Variants in SLIT3 observed in about 807,000 individuals in gnomAD.
The protein encoded by SLIT3 is slit homolog 3 protein.
SLIT3 carries 68 observed loss-of-function variants against 184.0 expected under a neutral mutation model. The observed-to-expected ratio is 0.37, with a 90% CI of 0.30 to 0.45. The LOEUF (loss-of-function observed/expected upper bound fraction) is 0.45, where lower values mean the gene tolerates loss of function less well. Among genes scored for constraint, SLIT3 ranks in the 20% least tolerant of loss-of-function variants. The probability of loss-of-function intolerance (pLI) is 1.00; values close to 1 mark genes in which losing one functional copy is unlikely to be tolerated. For missense variants in SLIT3, 1,707 were observed against 2,026.0 expected, an observed-to-expected ratio of 0.84 and a Z score of 3.02; for synonymous variants, 831 against 828.6, an observed-to-expected ratio of 1.00 and a Z score of -0.05.
At chr5:169,197,371 G>A (rs773084516) in intron 3 of SLIT3, among the ~76,000 whole-genome samples, 3 of 152,092 alleles carry the variant, frequency 2.0e-5, no homozygotes, top group Non-Finnish European at 1.5e-5. Flanking sequence ...TATTTACTGA[G>A]TAAATATGGG....
chr5:168,719,789 T>C (rs1762877523), intron 23 of SLIT3: 2 of 152,360 alleles, frequency 1.3e-5, no homozygotes, highest in South Asian at 4.1e-4. Context: ...TTTCCTGAAT[T>C]GGCCCTTAGG....
intron 4 of SLIT3, among the ~76,000 whole-genome samples, chr5:168,906,510 T>A (rs1761057154): frequency 6.6e-6 from 1 of 152,180 alleles, no homozygotes. Flanking sequence ...ATCCATTATG[T>A]GTTTGTGCAT....
chr5:169,015,516 G>C (rs1435110527), intron 4 of SLIT3, among the ~76,000 whole-genome samples: 1 of 152,198 alleles, frequency 6.6e-6, no homozygotes, highest in African/African-American at 2.4e-5. Flanking sequence ...ATAATCCATA[G>C]CTGTGTAACT....
At chr5:169,183,504 C>G (rs1763237383) in intron 4 of SLIT3, among the ~76,000 whole-genome samples, 1 of 152,156 alleles carries the variant, frequency 6.6e-6, no homozygotes, top group African/African-American at 2.4e-5. Flanking sequence ...ACCATTATCT[C>G]TAATGGTCCA....
At chr5:169,011,792 G>C (rs1756165264) in intron 4 of SLIT3, among the ~76,000 whole-genome samples, 1 of 152,204 alleles carries the variant, frequency 6.6e-6, no homozygotes, top group African/African-American at 2.4e-5. Flanking sequence ...TATTACAAAA[G>C]CTGGTACTTT....
At chr5:168,811,322 T>C (rs1441262044) in intron 8 of SLIT3, among the ~76,000 whole-genome samples, 2 of 152,204 alleles carry the variant, frequency 1.3e-5, no homozygotes, top group Non-Finnish European at 2.9e-5. Flanking sequence ...ATAAAACCCA[T>C]GATTTAGGTT....
intron 4 of SLIT3, among the ~76,000 whole-genome samples, chr5:169,033,976 C>A (rs1452443457): frequency 6.6e-6 from 1 of 151,984 alleles, no homozygotes. Flanking sequence ...CCACGCCCGG[C>A]TAATTTTTTG....
Position 168,789,580 on chromosome 5 carries a change from G to T in SLIT3, c.1059C>A (p.Gly353=). ...ISDIAPDAFQ[G]LKSLTSLVLY... The stretch of plus-strand genomic sequence containing the variant: ...CTTACAGCGATGTGAGTGATTTCAG[G>T]CCCTGGAAGGCATCTGGAGCAATAT... The change falls in exon 11 of 36, where the codon GGC becomes GGA. Residue 353 remains glycine (G), a synonymous_variant. Transcript: ENST00000519560. 1 of 1,613,438 alleles carries T rather than the reference G, an allele frequency of 6.2e-7. No individual in the cohort carries two copies. The highest frequency in any genetic ancestry group is 1.1e-5 in the South Asian group (1 of 90,852).
At position 169,296,239 on chromosome 5, in the gene SLIT3, C is replaced by T. The variant is rs1320919972; in HGVS notation, c.197+4274G>A. 2.0e-5 allele frequency among the ~76,000 whole-genome samples: 3 copies of T among 152,152 alleles called. No homozygotes were observed. In the East Asian group the frequency reaches 5.8e-4, roughly 29 times the overall value. ...AGGTTCATTATTCCTTTATTAAATACACATCTGCTGAACACCTACTGTGTG... is the reference window on the plus strand; with the variant it reads ...AGGTTCATTATTCCTTTATTAAATATACATCTGCTGAACACCTACTGTGTG... On this transcript the variant is annotated intron_variant, in intron 1 of 35. Transcript: ENST00000519560.
rs559790700 is a variant in SLIT3 at position 169,070,544 on chromosome 5, T to C, written c.413+122935A>G. Among the ~76,000 whole-genome samples, 3 of 152,250 alleles carry C rather than the reference T, an allele frequency of 2.0e-5. No individual in the cohort carries two copies. The South Asian group carries it at 6.2e-4, about 32-fold the overall frequency. ...ATTACTCTGCCAGTCGAGATGACCT[T>C]TAGAAACAAGTTTGAACTTTTGTCA... On this transcript the variant is annotated intron_variant, in intron 4 of 35. Coordinates refer to ENST00000519560, the MANE Select transcript of SLIT3 (RefSeq NM_003062.4).
At chr5:168,786,555 GC>G (rs1362406212) in intron 11 of SLIT3, among the ~76,000 whole-genome samples, 1 of 152,152 alleles carries the variant, frequency 6.6e-6, no homozygotes, top group East Asian at 1.9e-4. Context: ...AGTAATGGCA[GC>G]TTTTACTTTC....
chr5:168,872,103 T>G (rs1425439421), intron 5 of SLIT3, among the ~76,000 whole-genome samples: 5 of 152,200 alleles, frequency 3.3e-5, no homozygotes, highest in African/African-American at 1.2e-4. Flanking sequence ...CTTTGACACA[T>G]GGGAGTCACT....
chr5:168,857,850 C>A (rs1469014299), intron 5 of SLIT3, among the ~76,000 whole-genome samples: 2 of 152,228 alleles, frequency 1.3e-5, no homozygotes, highest in Non-Finnish European at 2.9e-5. Flanking sequence ...AGCTTAAAAG[C>A]CCTCAACGGT....
intron 4 of SLIT3, among the ~76,000 whole-genome samples, chr5:168,895,579 C>T (rs1760632583): frequency 6.6e-6 from 1 of 152,202 alleles, no homozygotes; most frequent in Non-Finnish European, 1.5e-5. Context: ...AGTTGCAAAG[C>T]TGGCCTCCAG....
intron 4 of SLIT3, among the ~76,000 whole-genome samples, chr5:169,128,927 G>A (rs1367272571): frequency 1.3e-5 from 2 of 152,056 alleles, no homozygotes; most frequent in Non-Finnish European, 2.9e-5. Flanking sequence ...TGGAGTTACT[G>A]GAAATAAGAG....
rs1762185591 is a variant in SLIT3, at chr5:168,700,574, AC to A, written c.2942+7del. On this transcript the variant is annotated splice_region_variant and intron_variant, in intron 27 of 35. Transcript: ENST00000519560. ...ATACAGTGAGGGAGGCCAGGGGTGA[AC>A]TGTTACCTGAACCCATCCTTGTGGC... The A allele has an allele frequency of 6.2e-7, 1 of 1,606,084 alleles. No homozygotes were observed.
intron 23 of SLIT3, among the ~76,000 whole-genome samples, chr5:168,714,247 C>G (rs566125171): frequency 4.6e-5 from 7 of 152,374 alleles, no homozygotes; most frequent in Middle Eastern, 3.4e-3. Context: ...CAGCCCCTGC[C>G]TGCATGGCTT....
chr5:169,233,409 T>C lies in SLIT3; in HGVS notation c.341+11296A>G, dbSNP rs1324648913. Among the ~76,000 whole-genome samples the C allele has an allele frequency of 6.2e-3, 539 of 87,228 alleles. 3 individuals carry two copies. The highest frequency in any genetic ancestry group is 0.016 in the Middle Eastern group (2 of 128). The allele number at this position is 87,228 out of a possible 152,430, so 57.2% of individuals were successfully genotyped here. A position where few individuals can be genotyped will look rare whatever the true frequency, so the allele number is the denominator to read the frequency against. On this transcript the variant is annotated intron_variant, in intron 3 of 35. Coordinates refer to ENST00000519560, the MANE Select transcript of SLIT3 (RefSeq NM_003062.4). ...TGTTGGTATATAGAAATTGTCTTTT[T>C]TTTTTTTTTTGGTGTATTGACCTTG...
At chr5:168,964,648 G>A (rs564674324) in intron 4 of SLIT3, among the ~76,000 whole-genome samples, 10 of 152,282 alleles carry the variant, frequency 6.6e-5, no homozygotes, top group Middle Eastern at 3.4e-3. Context: ...TTCAGCCTTC[G>A]GGTCACCTAA....
Sources: allele counts gnomAD v4.1 joint callset (sites outside exome capture counted in the v4.1 genomes callset), GRCh38; gene constraint gnomAD v4.1.1; transcripts MANE v1.5; gene names NCBI Gene and HGNC (gene_info 2026-07-23, HGNC 2026-07-21).